PPP1R42: variants seen among roughly 807,000 people sequenced by gnomAD.
PPP1R42 encodes the protein protein phosphatase 1 regulatory subunit 42, also known as leucine rich repeat containing 67.
In PPP1R42, 34 loss-of-function variants were observed where a neutral mutation model predicts 31.0. The observed-to-expected ratio is 1.10, with a 90% CI of 0.83 to 1.46. PPP1R42 has a LOEUF of 1.46. PPP1R42 is among the 40% of genes most tolerant of loss of function. PPP1R42 has a pLI of 0.00. For synonymous variants in PPP1R42, 103 were observed against 109.8 expected, an observed-to-expected ratio of 0.94 and a Z score of 0.39; for missense variants, 268 against 303.0, an observed-to-expected ratio of 0.88 and a Z score of 0.86.
At chr8:66,980,751 T>C (rs965191551) in intron 7 of PPP1R42, among the ~76,000 whole-genome samples, 4 of 152,130 alleles carry the variant, frequency 2.6e-5, no homozygotes, top group Admixed American at 6.5e-5. Flanking sequence ...CCTTAGTCAG[T>C]TGTAGAACAA....
At chr8:66,987,884 C>G (rs1468917571) in intron 6 of PPP1R42, among the ~76,000 whole-genome samples, 1 of 152,124 alleles carries the variant, frequency 6.6e-6, no homozygotes, top group East Asian at 1.9e-4. Context: ...TGTTTTTGTC[C>G]ATTTCCCCCA....
intron 1 of PPP1R42, among the ~76,000 whole-genome samples, chr8:67,022,064 G>T (rs1200524780): frequency 6.6e-6 from 1 of 152,036 alleles, no homozygotes; most frequent in Non-Finnish European, 1.5e-5. Flanking sequence ...GCCACTTCTG[G>T]GTTGGACATT....
At chr8:66,985,612 G>C (rs117612914) in intron 6 of PPP1R42, 14,010 of 1,374,846 alleles carry the variant, frequency 0.01, 145 homozygotes, top group South Asian at 0.032. Flanking sequence ...TAGTTCAGCT[G>C]TTTTCCTTGC....
chr8:66,977,591 C>T (rs1320276503), intron 7 of PPP1R42, among the ~76,000 whole-genome samples: 7 of 152,090 alleles, frequency 4.6e-5, no homozygotes, highest in South Asian at 2.1e-4. Flanking sequence ...CTGCAGCCTC[C>T]GCCTTCCAGG....
intron 5 of PPP1R42, among the ~76,000 whole-genome samples, chr8:66,999,486 G>C (rs1374560845): frequency 6.6e-6 from 1 of 152,172 alleles, no homozygotes; most frequent in Non-Finnish European, 1.5e-5. Flanking sequence ...CTCCCAAAGT[G>C]TTGGGATTAC....
chr8:66,984,413 G>A (rs1163016211), intron 6 of PPP1R42: 1 of 1,313,866 alleles, frequency 7.6e-7, no homozygotes, highest in African/African-American at 1.5e-5. Flanking sequence ...AATTTCTTCT[G>A]GGTCTTGGGG....
intron 6 of PPP1R42, chr8:66,984,817 G>A: frequency 6.2e-7 from 1 of 1,604,410 alleles, no homozygotes; most frequent in South Asian, 1.1e-5. Context: ...TTCTGGAGGA[G>A]GCATCAGGCC....
intron 7 of PPP1R42, among the ~76,000 whole-genome samples, chr8:66,966,268 CTTA>C (rs1385830666): frequency 6.6e-6 from 1 of 152,108 alleles, no homozygotes; most frequent in Non-Finnish European, 1.5e-5. Context: ...CCTGTTCTCA[CTTA>C]TTATCCCTTC....
intron 2 of PPP1R42, among the ~76,000 whole-genome samples, chr8:67,015,613 T>A (rs1342835897): frequency 6.6e-6 from 1 of 151,654 alleles, no homozygotes; most frequent in African/African-American, 2.4e-5. Context: ...TTTTTTTTTT[T>A]TTTGAAACAG....
At chr8:66,969,219 TTCA>T (rs991711407) in intron 7 of PPP1R42, among the ~76,000 whole-genome samples, 31 of 152,248 alleles carry the variant, frequency 2.0e-4, no homozygotes, top group African/African-American at 3.6e-4. Context: ...ATGTATAGAA[TTCA>T]TCAACATTGT....
intron 6 of PPP1R42, chr8:66,986,043 C>A (rs1323346202): frequency 1.3e-6 from 1 of 746,856 alleles, no homozygotes; most frequent in East Asian, 2.5e-5. Flanking sequence ...GTCCACAAAT[C>A]GGGGAGTAGA....
At chr8:66,987,358 C>T (rs1445179674) in intron 6 of PPP1R42, among the ~76,000 whole-genome samples, 4 of 135,240 alleles carry the variant, frequency 3.0e-5, no homozygotes, top group Admixed American at 8.5e-5. Flanking sequence ...ATGGCGTGAT[C>T]TCGGCTCACT....
intron 7 of PPP1R42, among the ~76,000 whole-genome samples, chr8:66,976,526 T>C (rs2130918048): frequency 6.6e-6 from 1 of 152,222 alleles, no homozygotes; most frequent in South Asian, 2.1e-4. Context: ...ACCAAATCTC[T>C]CTCTTCCCTT....
chr8:67,028,411 G>A, intron 1 of PPP1R42, 80 bp downstream of exon 1: 1 of 803,060 alleles, frequency 1.2e-6, no homozygotes, highest in Non-Finnish European at 1.5e-6. Flanking sequence ...GTCCCGGAAA[G>A]TCTTACTGGC....
chr8:66,988,475 T>C lies in PPP1R42; in HGVS notation c.595A>G (p.Ile199Val), dbSNP rs1450353537. 1.2e-6 allele frequency: 2 copies of C among 1,611,530 alleles called. No individual in the cohort carries two copies. Among genetic ancestry groups the C allele is most frequent in the Non-Finnish European group, 1.7e-6 (2 of 1,178,914 alleles). Reference sequence around the variant, plus strand: ...CAAACAGGATTTCCATTTAGATCAATTTTCCACAGCTTCATCAACTTGTTC... The same window carrying C: ...CAAACAGGATTTCCATTTAGATCAACTTTCCACAGCTTCATCAACTTGTTC... ...LLNKLMKLWK[I>V]DLNGNPVCLK... is the part of the protein sequence containing the mutation. Residue 199 changes from isoleucine to valine, a missense_variant, in exon 6 of 8, where the codon ATT (isoleucine) becomes GTT (valine). Transcript: ENST00000685739.
At chr8:66,971,224 C>A in intron 7 of PPP1R42, 1 of 1,006,408 alleles carries the variant, frequency 9.9e-7, no homozygotes, top group South Asian at 2.7e-5. Flanking sequence ...ATTAGATTAT[C>A]TAAAAATTAA....
At chr8:66,970,026 G>A (rs1430449631) in intron 7 of PPP1R42, among the ~76,000 whole-genome samples, 1 of 152,130 alleles carries the variant, frequency 6.6e-6, no homozygotes, top group Admixed American at 6.5e-5. Flanking sequence ...CAAAATATTT[G>A]AGATCAGGAT....
At chr8:66,967,399 A>C (rs1042059473) in intron 7 of PPP1R42, among the ~76,000 whole-genome samples, 4 of 152,260 alleles carry the variant, frequency 2.6e-5, no homozygotes, top group Admixed American at 1.3e-4. Flanking sequence ...CATTACTGAT[A>C]CACATAAGCT....
intron 1 of PPP1R42, among the ~76,000 whole-genome samples, chr8:67,020,272 G>A (rs538685390): frequency 1.3e-5 from 2 of 151,846 alleles, no homozygotes; most frequent in Non-Finnish European, 2.9e-5. Context: ...GCGCGATCTC[G>A]GCTCACTGCA....
Sources: allele counts gnomAD v4.1 joint callset (sites outside exome capture counted in the v4.1 genomes callset), GRCh38; gene constraint gnomAD v4.1.1; transcripts MANE v1.5; gene names NCBI Gene and HGNC (gene_info 2026-07-23, HGNC 2026-07-21).